The following ZFPM2 variants were observed in gnomAD, a reference collection of about 807,000 sequenced individuals.
ZFPM2 encodes zinc finger protein, FOG family member 2.
In ZFPM2, 20 loss-of-function variants were observed where a neutral mutation model predicts 98.6. That is an observed-to-expected ratio of 0.20 (90% CI 0.14 to 0.29). The LOEUF is 0.29. Among genes scored for constraint, ZFPM2 ranks in the 10% least tolerant of loss-of-function variants. The pLI, the probability that ZFPM2 is intolerant of heterozygous loss-of-function variation, is 1.00. For missense variants in ZFPM2, 1,310 were observed against 1,388.6 expected, an observed-to-expected ratio of 0.94 and a Z score of 0.90; for synonymous variants, 518 against 502.7, an observed-to-expected ratio of 1.03 and a Z score of -0.41.
At chr8:105,570,518 T>C (rs1321186494) in intron 4 of ZFPM2, among the ~76,000 whole-genome samples, 3 of 152,202 alleles carry the variant, frequency 2.0e-5, no homozygotes, top group Non-Finnish European at 4.4e-5. Context: ...TGCTGTGTTA[T>C]AATGCAGATA....
intron 4 of ZFPM2, among the ~76,000 whole-genome samples, chr8:105,624,509 A>G (rs1175731204): frequency 6.6e-6 from 1 of 152,204 alleles, no homozygotes; most frequent in African/African-American, 2.4e-5. Flanking sequence ...ATGAAAGTAT[A>G]ATAAATATCT....
chr8:105,384,336 T>A (rs78409613), intron 1 of ZFPM2, among the ~76,000 whole-genome samples: 1,910 of 152,266 alleles, frequency 0.013, 26 homozygotes, highest in African/African-American at 0.043. Context: ...GTAAGAATTC[T>A]CCTGATGGAA....
chr8:105,599,598 A>T (rs1816049225), intron 4 of ZFPM2, among the ~76,000 whole-genome samples: 2 of 151,970 alleles, frequency 1.3e-5, no homozygotes, highest in Non-Finnish European at 2.9e-5. Flanking sequence ...CTGACTTGGG[A>T]TTTGTGTGAT....
chr8:105,635,173 T>C (rs1420441903), intron 5 of ZFPM2, among the ~76,000 whole-genome samples: 1 of 152,204 alleles, frequency 6.6e-6, no homozygotes, highest in African/African-American at 2.4e-5. Context: ...GTTTAATTTC[T>C]CTTGGCTTTC....
chr8:105,740,994 C>T (rs1812202303), intron 5 of ZFPM2, among the ~76,000 whole-genome samples: 1 of 151,922 alleles, frequency 6.6e-6, no homozygotes, highest in South Asian at 2.1e-4. Flanking sequence ...AAGAATGTCC[C>T]AGATAGAGGC....
At chr8:105,423,812 T>C (rs141584126) in intron 2 of ZFPM2, among the ~76,000 whole-genome samples, 208 of 152,278 alleles carry the variant, frequency 1.4e-3, no homozygotes, top group African/African-American at 4.1e-3. Flanking sequence ...GAGCAATTCT[T>C]GGATGAACTC....
chr8:105,484,768 T>C (rs1389625168), intron 3 of ZFPM2, among the ~76,000 whole-genome samples: 9 of 152,246 alleles, frequency 5.9e-5, no homozygotes, highest in Admixed American at 2.0e-4. Flanking sequence ...GTGTGTTTTC[T>C]AATTTGGGGT....
intron 3 of ZFPM2, among the ~76,000 whole-genome samples, chr8:105,514,383 A>G (rs1432880153): frequency 6.9e-6 from 1 of 144,302 alleles, no homozygotes; most frequent in Non-Finnish European, 1.5e-5. Context: ...TCACTCTCTG[A>G]TGGAGATTTA....
intron 1 of ZFPM2, among the ~76,000 whole-genome samples, chr8:105,340,335 C>T (rs1380890284): frequency 1.3e-5 from 2 of 151,880 alleles, no homozygotes; most frequent in African/African-American, 4.8e-5. Context: ...AAAATCATCA[C>T]TCAGAAACGT....
Position 105,513,198 on chromosome 8 carries a change from A to G in ZFPM2, c.302-48165A>G, listed in dbSNP as rs1262102696. Among the ~76,000 whole-genome samples, 7 of 152,166 alleles carry G rather than the reference A, an allele frequency of 4.6e-5. No homozygotes were observed. The South Asian group carries it at 1.5e-3, about 32-fold the overall frequency. On this transcript the variant is annotated intron_variant, in intron 3 of 7. Transcript: ENST00000407775. ...GCATGAGTCAAATTTAGTAAATTACATTTTTCTTTAGATTGGACAGAATTT... is the reference window on the plus strand; with the variant it reads ...GCATGAGTCAAATTTAGTAAATTACGTTTTTCTTTAGATTGGACAGAATTT...
At chr8:105,464,902 G>A (rs1812770019) in intron 3 of ZFPM2, among the ~76,000 whole-genome samples, 1 of 149,804 alleles carries the variant, frequency 6.7e-6, no homozygotes, top group African/African-American at 2.5e-5. Flanking sequence ...TGGAGCTCTC[G>A]ATCTTAAAAC....
At chr8:105,420,868 G>T (rs80121175) in intron 2 of ZFPM2, among the ~76,000 whole-genome samples, 50 of 152,146 alleles carry the variant, frequency 3.3e-4, no homozygotes, top group African/African-American at 1.1e-3. Context: ...AAGAGTTAAC[G>T]TATGGATTTA....
At chr8:105,478,065 G>T (rs535253313) in intron 3 of ZFPM2, among the ~76,000 whole-genome samples, 1 of 152,244 alleles carries the variant, frequency 6.6e-6, no homozygotes, top group African/African-American at 2.4e-5. Flanking sequence ...ATCCAAATTT[G>T]CAAAGCAACA....
chr8:105,543,948 T>C (rs73306228), intron 3 of ZFPM2, among the ~76,000 whole-genome samples: 13,126 of 152,172 alleles, frequency 0.086, 757 homozygotes, highest in African/African-American at 0.17. Context: ...GCTGTAGATA[T>C]TCTGATGGAC....
At chr8:105,576,201 G>C (rs1438889255) in intron 4 of ZFPM2, among the ~76,000 whole-genome samples, 2 of 152,136 alleles carry the variant, frequency 1.3e-5, no homozygotes, top group East Asian at 1.9e-4. Flanking sequence ...TAGTAAACAT[G>C]GTCAAGAAAA....
intron 5 of ZFPM2, among the ~76,000 whole-genome samples, chr8:105,733,792 T>A (rs1282145599): frequency 6.6e-6 from 1 of 151,902 alleles, no homozygotes; most frequent in Non-Finnish European, 1.5e-5. Context: ...TTACTGACTG[T>A]CACTCATCAA....
chr8:105,591,407 A>G (rs527940790), intron 4 of ZFPM2, among the ~76,000 whole-genome samples: 146 of 152,172 alleles, frequency 9.6e-4, no homozygotes, highest in Non-Finnish European at 1.8e-3. Context: ...TCATAAATAT[A>G]AAACACTTCT....
intron 2 of ZFPM2, among the ~76,000 whole-genome samples, chr8:105,431,626 A>G (rs1812021999): frequency 6.6e-6 from 1 of 152,086 alleles, no homozygotes; most frequent in Non-Finnish European, 1.5e-5. Context: ...TAAGAATGCG[A>G]CACTTGGCCA....
chr8:105,339,877 C>T (rs908210712), intron 1 of ZFPM2, among the ~76,000 whole-genome samples: 1 of 151,842 alleles, frequency 6.6e-6, no homozygotes, highest in Non-Finnish European at 1.5e-5. Flanking sequence ...AGCAAAATTG[C>T]CCTTTGGAAC....
Sources: gnomAD v4.1 joint callset for allele counts (sites outside exome capture counted in the v4.1 genomes callset) on GRCh38, gnomAD v4.1.1 for gene constraint, MANE v1.5 for transcripts, NCBI Gene and HGNC (gene_info 2026-07-23, HGNC 2026-07-21) for gene names.